PLEKHM3: variants seen among roughly 807,000 people sequenced by gnomAD.
PLEKHM3 encodes the protein pleckstrin homology domain-containing family M member 3.
A neutral mutation model predicts 81.8 loss-of-function variants in PLEKHM3; 45 were observed. The ratio of observed to expected loss-of-function variants is 0.55; its 90% CI spans 0.43 to 0.71. The LOEUF is 0.71. Among genes scored for constraint, PLEKHM3 ranks in the 30% least tolerant of loss-of-function variants. PLEKHM3 has a pLI of 0.00. For synonymous variants in PLEKHM3, 352 were observed against 356.4 expected (o/e 0.99, Z 0.14); for missense variants, 788 against 924.3 (o/e 0.85, Z 1.91).
intron 2 of PLEKHM3, among the ~76,000 whole-genome samples, chr2:207,980,452 T>TA (rs1691482347): frequency 6.6e-6 from 1 of 152,178 alleles, no homozygotes; most frequent in African/African-American, 2.4e-5. Flanking sequence ...CCCCACTCAC[T>TA]AAGCAACATT....
intron 7 of PLEKHM3, among the ~76,000 whole-genome samples, chr2:207,834,375 C>T (rs990789688): frequency 1.3e-5 from 2 of 151,654 alleles, no homozygotes; most frequent in Admixed American, 6.6e-5. Context: ...GGTGATCCGC[C>T]CACCTCGGCC....
At chr2:207,853,456 C>T (rs1005061240) in intron 7 of PLEKHM3, among the ~76,000 whole-genome samples, 3 of 149,700 alleles carry the variant, frequency 2.0e-5, no homozygotes, top group Non-Finnish European at 4.4e-5. Context: ...GTACAGGGCC[C>T]GGTGTGGTGG....
At chr2:207,833,124 A>C (rs2092297880) in intron 7 of PLEKHM3, among the ~76,000 whole-genome samples, 1 of 151,996 alleles carries the variant, frequency 6.6e-6, no homozygotes, top group African/African-American at 2.4e-5. Context: ...AAAAAAAAAA[A>C]AAAAAAAAAG....
At chr2:207,991,155 C>T (rs895452387) in intron 2 of PLEKHM3, among the ~76,000 whole-genome samples, 10 of 152,232 alleles carry the variant, frequency 6.6e-5, no homozygotes, top group African/African-American at 2.4e-4. Flanking sequence ...ACCCAGGAAA[C>T]AATTCCAAAC....
At chr2:207,996,079 G>A (rs1692110977) in intron 2 of PLEKHM3, among the ~76,000 whole-genome samples, 1 of 152,190 alleles carries the variant, frequency 6.6e-6, no homozygotes, top group Non-Finnish European at 1.5e-5. Flanking sequence ...TTGTGCCTAT[G>A]CAACTCAGGA....
At chr2:207,936,551 CA>C (rs1446385089) in intron 4 of PLEKHM3, among the ~76,000 whole-genome samples, 1 of 152,030 alleles carries the variant, frequency 6.6e-6, no homozygotes, top group African/African-American at 2.4e-5. Flanking sequence ...AGCATGGATA[CA>C]ACATAAATGA....
rs116533655 is a variant in PLEKHM3, at chr2:207,831,224, C to G, written c.2109-2728G>C. ...TGTCACTATGGAGACCTGAGGACAT[C>G]TCAGTCAACCCCCTCCTTGCCTAGA... On this transcript the variant is annotated intron_variant, in intron 7 of 7. Coordinates refer to ENST00000427836, the MANE Select transcript of PLEKHM3 (RefSeq NM_001080475.3). Among the ~76,000 whole-genome samples the G allele has an allele frequency of 6.1e-3, 931 of 152,324 alleles. 14 individuals are homozygous for G. The highest frequency in any genetic ancestry group is 0.021 in the African/African-American group (878 of 41,566).
intron 1 of PLEKHM3, among the ~76,000 whole-genome samples, chr2:208,019,393 C>T (rs1693045576): frequency 6.6e-6 from 1 of 151,956 alleles, no homozygotes; most frequent in South Asian, 2.1e-4. Context: ...CCACCATCAC[C>T]CTCATCTTCT....
intron 6 of PLEKHM3, 122 bp downstream of exon 6, chr2:207,908,392 A>G: frequency 2.2e-6 from 2 of 903,636 alleles, no homozygotes; most frequent in Non-Finnish European, 3.5e-6. Context: ...CTGAAAAAGA[A>G]TTATCAGGGT....
chr2:207,839,368 T>C (rs2092337426), intron 7 of PLEKHM3, among the ~76,000 whole-genome samples: 1 of 152,204 alleles, frequency 6.6e-6, no homozygotes, highest in Non-Finnish European at 1.5e-5. Flanking sequence ...ATAAGCCCTA[T>C]CTAACTTTAT....
intron 3 of PLEKHM3, among the ~76,000 whole-genome samples, chr2:207,956,825 C>A (rs1193105532): frequency 1.3e-5 from 2 of 150,396 alleles, no homozygotes; most frequent in Non-Finnish European, 1.5e-5. Context: ...CCGCCCTGGC[C>A]TCCCAAAGTG....
chr2:207,972,457 C>T (rs1446814485), intron 3 of PLEKHM3, among the ~76,000 whole-genome samples: 1 of 151,972 alleles, frequency 6.6e-6, no homozygotes, highest in Non-Finnish European at 1.5e-5. Flanking sequence ...CCTGGTGGCA[C>T]ACGCCTGTAA....
In PLEKHM3 at chr2:207,840,333, A is replaced by G. The variant is rs573859164; in HGVS notation, c.2109-11837T>C. 1.6e-4 allele frequency among the ~76,000 whole-genome samples: 24 copies of G among 152,132 alleles called. No individual in the cohort carries two copies. The South Asian group carries it at 4.2e-3, about 26-fold the overall frequency. On this transcript the variant is annotated intron_variant, in intron 7 of 7. Coordinates refer to ENST00000427836, the MANE Select transcript of PLEKHM3 (RefSeq NM_001080475.3). ...CCAAGTATTAACAGCTAGGACTACA[A>G]GTGTGTGCCACCATGACTGGCTAAT...
intron 3 of PLEKHM3, among the ~76,000 whole-genome samples, chr2:207,968,445 C>G (rs1690999728): frequency 6.6e-6 from 1 of 152,178 alleles, no homozygotes; most frequent in Admixed American, 6.5e-5. Flanking sequence ...GATTCTCTGA[C>G]ATGAGCAGAG....
chr2:207,930,827 G>T, intron 5 of PLEKHM3, 99 bp downstream of exon 5: 1 of 1,345,056 alleles, frequency 7.4e-7, no homozygotes, highest in Non-Finnish European at 1.0e-6. Flanking sequence ...AAAATTAGAG[G>T]CGGTCCGTGC....
chr2:207,836,009 C>A (rs1481477009), intron 7 of PLEKHM3, among the ~76,000 whole-genome samples: 2 of 152,244 alleles, frequency 1.3e-5, no homozygotes, highest in Admixed American at 6.5e-5. Flanking sequence ...GGATACACCA[C>A]AAGACATGGG....
intron 4 of PLEKHM3, among the ~76,000 whole-genome samples, chr2:207,931,794 G>A (rs1301879569): frequency 1.3e-5 from 2 of 152,028 alleles, no homozygotes; most frequent in East Asian, 1.9e-4. Context: ...CCGACATGGC[G>A]AAACCCCGTC....
Position 207,901,471 on chromosome 2 carries a change from T to C in PLEKHM3, c.1950+7043A>G, listed in dbSNP as rs185493757. Among the ~76,000 whole-genome samples, 904 of 152,266 alleles carry C rather than the reference T, an allele frequency of 5.9e-3. 4 individuals are homozygous for C. Among genetic ancestry groups the C allele is most frequent in the Non-Finnish European group, 7.7e-3 (526 of 68,014 alleles). Reference sequence around the variant, plus strand: ...GGACATCAAGACTGAAAGTGAGAAGTCAGAAGACCCAGCTCCAGTCCTGGC... The same window carrying C: ...GGACATCAAGACTGAAAGTGAGAAGCCAGAAGACCCAGCTCCAGTCCTGGC... On this transcript the variant is annotated intron_variant, in intron 6 of 7. Coordinates refer to ENST00000427836, the MANE Select transcript of PLEKHM3 (RefSeq NM_001080475.3).
chr2:207,873,786 G>A (rs529389611), intron 6 of PLEKHM3, among the ~76,000 whole-genome samples: 1 of 152,190 alleles, frequency 6.6e-6, no homozygotes, highest in Non-Finnish European at 1.5e-5. Flanking sequence ...CTTTCGGGAT[G>A]TAAAGTACAA....
Sources: allele counts gnomAD v4.1 joint callset (sites outside exome capture counted in the v4.1 genomes callset), GRCh38; gene constraint gnomAD v4.1.1; transcripts MANE v1.5; gene names NCBI Gene and HGNC (gene_info 2026-07-23, HGNC 2026-07-21).